The following ROBO2 variants were observed in gnomAD, a reference collection of about 807,000 sequenced individuals.
The protein encoded by ROBO2 is roundabout guidance receptor 2.
A neutral mutation model predicts 160.8 loss-of-function variants in ROBO2; 53 were observed. The observed-to-expected ratio is 0.33, with a 90% CI of 0.26 to 0.41. The LOEUF is 0.41. Ranked by LOEUF, ROBO2 falls within the 10% of genes least tolerant of loss-of-function variation. The pLI is 1.00. For synonymous variants in ROBO2, 664 were observed against 611.7 expected (o/e 1.09, Z -1.26); for missense variants, 1,577 against 1,722.4 (o/e 0.92, Z 1.49).
chr3:77,520,450 A>T (rs1020075700), intron 5 of ROBO2, among the ~76,000 whole-genome samples: 4 of 151,040 alleles, frequency 2.6e-5, no homozygotes, highest in African/African-American at 9.7e-5. Flanking sequence ...GTGTGCAATA[A>T]TTTTTTTTAA....
chr3:76,598,114 GC>G lies in ROBO2; in HGVS notation c.110-499899del, dbSNP rs1578413702. ...AAAAAGGAACAGATTATTGATAGAT[GC>G]AATACCTTGAATGAATATTCAGGAA... On this transcript the variant is annotated intron_variant, in intron 2 of 26. Coordinates refer to the ROBO2 transcript ENST00000487694. 2.0e-5 allele frequency among the ~76,000 whole-genome samples: 3 copies of G among 151,568 alleles called. No homozygotes were observed. The East Asian group carries it at 5.8e-4, about 30-fold the overall frequency.
intron 2 of ROBO2, among the ~76,000 whole-genome samples, chr3:76,414,119 G>C (rs1346422026): frequency 6.6e-6 from 1 of 151,750 alleles, no homozygotes. Context: ...GAATAGCACA[G>C]GAAAGAACAG....
chr3:77,211,537 T>C lies in ROBO2; in HGVS notation c.388+113197T>C, dbSNP rs143750648. 7.1e-3 allele frequency among the ~76,000 whole-genome samples: 1,086 copies of C among 152,080 alleles called. 11 individuals carry two copies. The highest frequency in any genetic ancestry group is 0.024 in the African/African-American group (995 of 41,534). On this transcript the variant is annotated intron_variant, in intron 2 of 25. Transcript: ENST00000461745. ...AATTTTTCTCCCATTCTGTTCACTC[T>C]GATGGTAGTTCCTTTTGCTGTGCAG...
intron 1 of ROBO2, among the ~76,000 whole-genome samples, chr3:75,921,788 C>A (rs1947068543): frequency 6.6e-6 from 1 of 152,242 alleles, no homozygotes. Context: ...AAACATGTTT[C>A]TAAGCATCTA....
intron 14 of ROBO2, among the ~76,000 whole-genome samples, chr3:77,576,687 A>G (rs2093774142): frequency 6.6e-6 from 1 of 152,130 alleles, no homozygotes; most frequent in Non-Finnish European, 1.5e-5. Context: ...ATAAAGGCAG[A>G]GAATTATTGT....
chr3:77,013,693 T>A (rs2062052872), intron 2 of ROBO2, among the ~76,000 whole-genome samples: 1 of 152,186 alleles, frequency 6.6e-6, no homozygotes, highest in African/African-American at 2.4e-5. Context: ...ACTTTAATTC[T>A]TACTGATGCT....
At chr3:76,567,217 T>C (rs1032784980) in intron 2 of ROBO2, among the ~76,000 whole-genome samples, 14 of 152,204 alleles carry the variant, frequency 9.2e-5, no homozygotes, top group Non-Finnish European at 2.1e-4. Flanking sequence ...ACAGCCAATC[T>C]TATATTTCCT....
intron 2 of ROBO2, among the ~76,000 whole-genome samples, chr3:76,632,118 T>C (rs1441533907): frequency 1.3e-5 from 2 of 152,176 alleles, no homozygotes; most frequent in African/African-American, 2.4e-5. Flanking sequence ...TTGAAATCAT[T>C]CAGCAGGCTT....
At chr3:76,186,942 C>T (rs1053542048) in intron 2 of ROBO2, among the ~76,000 whole-genome samples, 12 of 152,172 alleles carry the variant, frequency 7.9e-5, no homozygotes, top group Non-Finnish European at 1.0e-4. Context: ...ACATCTGAAA[C>T]ATCCTCCTGT....
intron 2 of ROBO2, among the ~76,000 whole-genome samples, chr3:76,157,899 A>T (rs2072469232): frequency 6.6e-6 from 1 of 152,162 alleles, no homozygotes; most frequent in Non-Finnish European, 1.5e-5. Flanking sequence ...CTCTCCTTCT[A>T]GACCTTGAGA....
chr3:76,739,626 AT>A (rs2093770554), intron 2 of ROBO2, among the ~76,000 whole-genome samples: 2 of 146,014 alleles, frequency 1.4e-5, no homozygotes, highest in Non-Finnish European at 3.1e-5. Flanking sequence ...TAAAAGTATA[AT>A]TAAAAAAAAA....
intron 2 of ROBO2, among the ~76,000 whole-genome samples, chr3:76,099,236 T>C (rs748534849): frequency 6.6e-6 from 1 of 152,160 alleles, no homozygotes; most frequent in Non-Finnish European, 1.5e-5. Flanking sequence ...GTGGGATAAT[T>C]TGAAAATCTG....
chr3:77,573,187 A>G (rs1559641021), intron 13 of ROBO2, among the ~76,000 whole-genome samples: 1 of 152,030 alleles, frequency 6.6e-6, no homozygotes, highest in Non-Finnish European at 1.5e-5. Context: ...TTGTGTTTAA[A>G]TCAAGTGTTT....
intron 2 of ROBO2, among the ~76,000 whole-genome samples, chr3:75,970,632 C>T (rs539232294): frequency 3.3e-5 from 5 of 151,696 alleles, no homozygotes; most frequent in South Asian, 2.1e-4. Context: ...TGTTACATTA[C>T]AAGACTATAA....
chr3:75,949,835 A>G (rs531507200), intron 2 of ROBO2, among the ~76,000 whole-genome samples: 3 of 152,078 alleles, frequency 2.0e-5, no homozygotes, highest in Non-Finnish European at 2.9e-5. Flanking sequence ...AATTGTAGTT[A>G]TATTAGTATG....
chr3:76,391,268 A>T (rs2077137012), intron 2 of ROBO2, among the ~76,000 whole-genome samples: 1 of 152,290 alleles, frequency 6.6e-6, no homozygotes, highest in South Asian at 2.1e-4. Context: ...GTTGATGATT[A>T]ACAGCTGCTT....
At chr3:77,397,781 C>A (rs75648275) in intron 2 of ROBO2, among the ~76,000 whole-genome samples, 1 of 152,030 alleles carries the variant, frequency 6.6e-6, no homozygotes, top group East Asian at 1.9e-4. Context: ...TTACTTAGTG[C>A]AAACTATATA....
chr3:76,793,380 G>A (rs559435144), intron 2 of ROBO2, among the ~76,000 whole-genome samples: 28 of 151,902 alleles, frequency 1.8e-4, no homozygotes, highest in African/African-American at 6.5e-4. Context: ...AACCTGAACG[G>A]CGTTAGCTTT....
chr3:77,232,041 G>A (rs938052197), intron 2 of ROBO2, among the ~76,000 whole-genome samples: 1 of 151,984 alleles, frequency 6.6e-6, no homozygotes. Flanking sequence ...TTGCTGTATT[G>A]TTTCTTCTTG....
Sources: gnomAD v4.1 joint callset for allele counts (sites outside exome capture counted in the v4.1 genomes callset) on GRCh38, gnomAD v4.1.1 for gene constraint, MANE v1.5 for transcripts, NCBI Gene and HGNC (gene_info 2026-07-23, HGNC 2026-07-21) for gene names.